The following ZNF415 variants were observed in gnomAD, a reference collection of about 807,000 sequenced individuals.
The protein encoded by ZNF415 is zinc finger protein 415.
Under a neutral mutation model 7.3 loss-of-function variants are expected in ZNF415, and 5 were observed. The observed-to-expected ratio is 0.69, with a 90% confidence interval of 0.36 to 1.44. ZNF415 has a LOEUF of 1.44. Among genes scored for constraint, ZNF415 ranks in the 40% most tolerant of loss-of-function variants. ZNF415 has a pLI of 0.04. For synonymous variants in ZNF415, 207 were observed against 226.3 expected (o/e 0.91, Z 0.77); for missense variants, 628 against 664.8 (o/e 0.94, Z 0.61).
intron 1 of ZNF415, among the ~76,000 whole-genome samples, chr19:53,124,814 G>A (rs2088762956): frequency 6.6e-6 from 1 of 152,064 alleles, no homozygotes; most frequent in Non-Finnish European, 1.5e-5. Context: ...AAAGAAGAAA[G>A]AAAATCTCCA....
intron 3 of ZNF415, among the ~76,000 whole-genome samples, chr19:53,111,340 C>CTTTTTT (rs61112807): frequency 5.7e-5 from 6 of 105,108 alleles, no homozygotes; most frequent in Non-Finnish European, 1.1e-4. Flanking sequence ...TATGATATTT[C>CTTTTTT]TTTTTTTTTT....
Position 53,108,861 on chromosome 19 carries a change from T to C in ZNF415, c.1184A>G (p.Gln395Arg), listed in dbSNP as rs2085782412. ...CCAATGCCTTGCAAGGCTTGAAGTC[T>C]GACTGAAGACTTTACCACATTCATT... ...KCNECGKVFS[Q>R]TSSLARHWRI... The change falls in exon 4 of 4, where the codon CAG becomes CGG. Residue 395 changes from glutamine to arginine, a missense_variant. Transcript: ENST00000243643. The C allele has an allele frequency of 1.2e-6, 2 of 1,614,106 alleles. No homozygotes were observed. Among genetic ancestry groups the C allele is most frequent in the African/African-American group, 2.7e-5 (2 of 75,062 alleles).
intron 1 of ZNF415, among the ~76,000 whole-genome samples, chr19:53,131,637 C>T (rs1056681011): frequency 6.6e-6 from 1 of 152,186 alleles, no homozygotes; most frequent in African/African-American, 2.4e-5. Context: ...GGATTCTGCT[C>T]ATTTTGAGCC....
rs2085650983 is a variant in ZNF415 at position 53,108,057 on chromosome 19, A to C, written c.*320T>G. 2 of 286,620 alleles carry C rather than the reference A, an allele frequency of 7.0e-6. No homozygotes were observed. Among genetic ancestry groups the C allele is most frequent in the Non-Finnish European group, 1.3e-5 (2 of 154,194 alleles). 17.8% of individuals were successfully genotyped at this position (286,620 alleles called of 1,614,324 possible). On this transcript the variant is annotated 3_prime_UTR_variant, in exon 4 of 4. Transcript: ENST00000243643. ...GTTTTGATCCTTGGTTAATAGCTTC[A>C]ACATGCACAAAATATACAAAGATGT...
At chr19:53,120,734 T>A (rs1306532043) in intron 2 of ZNF415, among the ~76,000 whole-genome samples, 1 of 152,152 alleles carries the variant, frequency 6.6e-6, no homozygotes, top group Non-Finnish European at 1.5e-5. Flanking sequence ...AAATATCTGA[T>A]GCCTAAGAGA....
chr19:53,120,639 TATA>T (rs1221102367), intron 2 of ZNF415, among the ~76,000 whole-genome samples: 9 of 152,142 alleles, frequency 5.9e-5, no homozygotes, highest in African/African-American at 2.2e-4. Flanking sequence ...TAACAATACA[TATA>T]ATAAGAATAT....
At chr19:53,116,558 C>G in intron 2 of ZNF415, 125 bp from the exon 3 acceptor site, 1 of 1,261,438 alleles carries the variant, frequency 7.9e-7, no homozygotes, top group Non-Finnish European at 1.1e-6. Flanking sequence ...CTGATAAATC[C>G]ACACTAAGGT....
In ZNF415 at chr19:53,108,334, G is replaced by C; in HGVS notation, c.*43C>G. ...GGTTTCTCTCTGATATAAATTCTTT[G>C]ATGACTCACAGGATTTAAACTTTGA... On this transcript the variant is annotated 3_prime_UTR_variant, in exon 4 of 4. Transcript: ENST00000243643. The C allele has an allele frequency of 6.5e-7, 1 of 1,527,110 alleles. No individual in the cohort carries two copies. The highest frequency in any genetic ancestry group is 1.3e-5 in the South Asian group (1 of 77,686). The allele number at this position is 1,527,110 out of a possible 1,614,324, so 94.6% of individuals were successfully genotyped here. A position where few individuals can be genotyped will look rare whatever the true frequency, so the allele number is the denominator to read the frequency against.
intron 3 of ZNF415, chr19:53,115,682 C>A (rs746587507): frequency 6.6e-7 from 1 of 1,520,070 alleles, no homozygotes; most frequent in South Asian, 1.2e-5. Flanking sequence ...GTGGCTTCCT[C>A]TCCCCTCATC....
chr19:53,116,322 C>A lies in ZNF415; in HGVS notation c.127G>T (p.Val43Phe). ...DVMLENYRNLVSLDLSRNCVI... is the reference protein window; with the variant it reads ...DVMLENYRNLFSLDLSRNCVI... ...AGAAAATTATCCTCACCCAGGGAGA[C>A]CAGGTTCCTGTAGTTCTCCAACATC... Residue 43 changes from valine (V) to phenylalanine (F), a missense_variant, in exon 3 of 4, where the codon GTC becomes TTC. Val to Phe is a conservative substitution (Grantham distance 50, BLOSUM62 -1). Transcript: ENST00000243643. The A allele has an allele frequency of 1.2e-6, 2 of 1,608,658 alleles. No homozygotes were observed. The highest frequency in any genetic ancestry group is 1.7e-6 in the Non-Finnish European group (2 of 1,178,572).
At chr19:53,113,265 T>C (rs2086512320) in intron 3 of ZNF415, among the ~76,000 whole-genome samples, 1 of 27,634 alleles carries the variant, frequency 3.6e-5, no homozygotes, top group Admixed American at 5.9e-4. Flanking sequence ...TCCCAGCACT[T>C]TGGGAGGCCG....
intron 3 of ZNF415, among the ~76,000 whole-genome samples, chr19:53,115,491 T>G (rs1312347778): frequency 6.6e-6 from 1 of 152,170 alleles, no homozygotes; most frequent in East Asian, 1.9e-4. Context: ...CACTTCCATT[T>G]GTCTCTGTTT....
chr19:53,132,288 C>G (rs2090179578), intron 1 of ZNF415, among the ~76,000 whole-genome samples: 1 of 152,184 alleles, frequency 6.6e-6, no homozygotes, highest in African/African-American at 2.4e-5. Context: ...ACGCCTGCAT[C>G]CTGGAGGAGC....
At chr19:53,111,124 A>C (rs1474303340) in intron 3 of ZNF415, among the ~76,000 whole-genome samples, 1 of 152,118 alleles carries the variant, frequency 6.6e-6, no homozygotes, top group African/African-American at 2.4e-5. Flanking sequence ...TTTGGGATAT[A>C]ATTAGGTCAT....
rs190636288 is a variant in ZNF415, at chr19:53,123,081, A to G, written c.-67-338T>C. 1.3e-3 allele frequency among the ~76,000 whole-genome samples: 197 copies of G among 152,210 alleles called. 1 individual carries two copies. The highest frequency in any genetic ancestry group is 4.3e-3 in the African/African-American group (178 of 41,516). ...TGGGCTCAGCCCTCAGAAATAGAGGACACAGAGCCTTGGTGTTCAGGGCTG... is the reference window on the plus strand; with the variant it reads ...TGGGCTCAGCCCTCAGAAATAGAGGGCACAGAGCCTTGGTGTTCAGGGCTG... On this transcript the variant is annotated intron_variant, in intron 1 of 3. Coordinates refer to ENST00000243643, the MANE Select transcript of ZNF415 (RefSeq NM_018355.4).
In ZNF415 at chr19:53,116,145, A is replaced by G. The variant is rs1282593527; in HGVS notation, c.136+168T>C. The G allele has an allele frequency of 4.9e-6, 4 of 808,108 alleles. No homozygotes were observed. The African/African-American group carries it at 5.2e-5, about 10-fold the overall frequency. The allele number at this position is 808,108 out of a possible 1,614,324, so 50.1% of individuals were successfully genotyped here. On this transcript the variant is annotated intron_variant, in intron 3 of 3. Coordinates refer to ENST00000243643, the MANE Select transcript of ZNF415 (RefSeq NM_018355.4). ...ATCATGAAGGGGTCAGAAAATCTGG[A>G]AAAAGGGGATGGTTAAACTCCAGAG...
At chr19:53,130,152 A>G (rs2089873293) in intron 1 of ZNF415, among the ~76,000 whole-genome samples, 1 of 152,174 alleles carries the variant, frequency 6.6e-6, no homozygotes, top group African/African-American at 2.4e-5. Context: ...TCAAGGTTTT[A>G]TCACATTGGT....
chr19:53,123,034 T>C (rs939297995), intron 1 of ZNF415, among the ~76,000 whole-genome samples: 10 of 152,134 alleles, frequency 6.6e-5, no homozygotes, highest in African/African-American at 2.4e-4. Flanking sequence ...CACAGCCCCC[T>C]TTCCCTCTCT....
chr19:53,127,959 C>T (rs548430082), intron 1 of ZNF415, among the ~76,000 whole-genome samples: 2 of 152,110 alleles, frequency 1.3e-5, no homozygotes, highest in Non-Finnish European at 2.9e-5. Context: ...CACCCATAAA[C>T]CCACGTCCAT....
Sources: gnomAD v4.1 joint callset for allele counts (sites outside exome capture counted in the v4.1 genomes callset) on GRCh38, gnomAD v4.1.1 for gene constraint, MANE v1.5 for transcripts, NCBI Gene and HGNC (gene_info 2026-07-23, HGNC 2026-07-21) for gene names.